TGFBI: variants seen among roughly 807,000 people sequenced by gnomAD.
The protein encoded by TGFBI is transforming growth factor beta induced.
In TGFBI, 50 loss-of-function variants were observed where a neutral mutation model predicts 73.7. The ratio of observed to expected loss-of-function variants is 0.68; its 90% CI spans 0.54 to 0.86. The LOEUF is 0.86. TGFBI is among the 40% of genes least tolerant of loss of function. TGFBI has a pLI of 0.00. For missense variants in TGFBI, 839 were observed against 877.0 expected (o/e 0.96, Z 0.55); for synonymous variants, 362 against 360.5 (o/e 1.00, Z -0.05).
intron 12 of TGFBI, 180 bp from the exon 13 acceptor site, chr5:136,058,910 T>C (rs1472778313): frequency 5.6e-6 from 4 of 712,002 alleles, no homozygotes; most frequent in Admixed American, 3.0e-5. Flanking sequence ...CTCTGACCAT[T>C]AGACAGATTG....
intron 2 of TGFBI, among the ~76,000 whole-genome samples, chr5:136,037,837 A>G (rs1232864602): frequency 2.0e-5 from 3 of 152,202 alleles, no homozygotes; most frequent in African/African-American, 7.2e-5. Flanking sequence ...CTTTTCCATC[A>G]GCTGGCAGGG....
At chr5:136,031,562 G>T (rs1399693191) in intron 1 of TGFBI, among the ~76,000 whole-genome samples, 1 of 152,246 alleles carries the variant, frequency 6.6e-6, no homozygotes, top group Non-Finnish European at 1.5e-5. Flanking sequence ...TTCAGACACA[G>T]AATGCTGTTG....
intron 2 of TGFBI, among the ~76,000 whole-genome samples, chr5:136,040,081 C>G: frequency 6.6e-6 from 1 of 152,174 alleles, no homozygotes; most frequent in East Asian, 1.9e-4. Context: ...CGGCCAAATC[C>G]GTGAAGTGCA....
At chr5:136,033,954 C>A (rs906362990) in intron 2 of TGFBI, 93 bp downstream of exon 2, 4 of 1,068,372 alleles carry the variant, frequency 3.7e-6, no homozygotes, top group Non-Finnish European at 5.7e-6. Flanking sequence ...GGTCAGGTTG[C>A]CTAAAAAGCC....
chr5:136,043,582 T>C (rs1751375975), intron 2 of TGFBI, among the ~76,000 whole-genome samples: 3 of 152,072 alleles, frequency 2.0e-5, no homozygotes, highest in Admixed American at 2.0e-4. Flanking sequence ...ACATATGTGT[T>C]TTACAGATGA....
At chr5:136,034,639 G>A (rs1302696514) in intron 2 of TGFBI, among the ~76,000 whole-genome samples, 1 of 152,000 alleles carries the variant, frequency 6.6e-6, no homozygotes, top group Non-Finnish European at 1.5e-5. Context: ...GCTTGTTGAT[G>A]TCTGTTTCAG....
intron 11 of TGFBI, chr5:136,056,328 A>G: frequency 3.7e-6 from 1 of 273,952 alleles, no homozygotes; most frequent in Non-Finnish European, 6.9e-6. Context: ...TGGAGACCAC[A>G]CCCCTCTGCC....
Position 136,046,937 on chromosome 5 carries a change from T to C in TGFBI, c.546T>C (p.Thr182=), listed in dbSNP as rs771740493. The C allele has an allele frequency of 6.2e-7, 1 of 1,613,824 alleles. No homozygotes were observed. Among genetic ancestry groups the C allele is most frequent in the South Asian group, 1.1e-5 (1 of 91,026 alleles). The change falls in exon 5 of 17, where the codon ACT becomes ACC. Residue 182 remains threonine, a synonymous_variant. Coordinates refer to ENST00000442011, the MANE Select transcript of TGFBI (RefSeq NM_000358.3). The stretch of plus-strand genomic sequence containing the variant: ...ATATGGTGGGCAGGCGAGTCCTGAC[T>C]GATGAGCTGAAACACGGCATGACCC... ...RYHMVGRRVL[T]DELKHGMTLT...
rs1323674226 is a variant in TGFBI at position 136,044,094 on chromosome 5, G to T, written c.270G>T (p.Lys90Asn). The T allele has an allele frequency of 1.9e-6, 3 of 1,612,974 alleles. No individual in the cohort carries two copies. Among genetic ancestry groups the T allele is most frequent in the South Asian group, 1.1e-5 (1 of 90,856 alleles). Reference protein sequence around the residue: ...ISYECCPGYEKVPGEKGCPAA... With the variant: ...ISYECCPGYENVPGEKGCPAA... ...ACGAGTGCTGTCCTGGATATGAAAA[G>T]GTCCCTGGGGAGAAGGGCTGTCCAG... is the stretch of plus-strand genomic sequence containing the variant. The change falls in exon 3 of 17, where the codon AAG becomes AAT. Residue 90 changes from lysine to asparagine, a missense_variant. Lys to Asn is a moderately conservative substitution (Grantham distance 94). Coordinates refer to ENST00000442011, the MANE Select transcript of TGFBI (RefSeq NM_000358.3).
Position 136,063,658 on chromosome 5 carries a change from A to G in TGFBI, c.*432A>G. On this transcript the variant is annotated 3_prime_UTR_variant, in exon 17 of 17. Transcript: ENST00000442011. ...TGGAGAAATGGCATCATTATAAGCT[A>G]TGAGTTGAAATGTTCTGTCAAATGT... 5.6e-6 allele frequency: 1 copy of G among 177,362 alleles called. No individual in the cohort carries two copies. The highest frequency in any genetic ancestry group is 1.2e-5 in the Non-Finnish European group (1 of 83,760). The allele number at this position is 177,362 out of a possible 1,614,324, so 11.0% of individuals were successfully genotyped here. A position where few individuals can be genotyped will look rare whatever the true frequency, so the allele number is the denominator to read the frequency against.
Position 136,054,021 on chromosome 5 carries a change from A to G in TGFBI, c.1205A>G (p.Asn402Ser). ...IDLFRQAGLGNHLSGSERLTL... is the reference protein window; with the variant it reads ...IDLFRQAGLGSHLSGSERLTL... ...CTTTTCAGACAAGCCGGCCTCGGCA[A>G]TCATCTCTCTGGAAGTGAGCGGTTG... is the stretch of plus-strand genomic sequence containing the variant. The change falls in exon 9 of 17, where the codon AAT (asparagine) becomes AGT (serine). Residue 402 changes from asparagine to serine, a missense_variant. Asn to Ser is a conservative substitution (Grantham distance 46). Coordinates refer to ENST00000442011, the MANE Select transcript of TGFBI (RefSeq NM_000358.3). 1.9e-6 allele frequency: 3 copies of G among 1,614,060 alleles called. No homozygotes were observed. The highest frequency in any genetic ancestry group is 2.5e-6 in the Non-Finnish European group (3 of 1,179,908).
intron 2 of TGFBI, among the ~76,000 whole-genome samples, chr5:136,037,287 G>A (rs982037024): frequency 2.6e-5 from 4 of 152,166 alleles, no homozygotes; most frequent in African/African-American, 4.8e-5. Flanking sequence ...AAATAGCACC[G>A]GAGTGATACA....
intron 2 of TGFBI, among the ~76,000 whole-genome samples, chr5:136,039,901 G>T (rs1261150848): frequency 6.6e-6 from 1 of 152,198 alleles, no homozygotes; most frequent in Non-Finnish European, 1.5e-5. Flanking sequence ...CATGGGCCAT[G>T]TCAGATGTCT....
chr5:136,049,249 T>C, intron 6 of TGFBI, 190 bp from the exon 7 acceptor site: 1 of 621,834 alleles, frequency 1.6e-6, no homozygotes. Flanking sequence ...CCAGGCTGGC[T>C]GGAGCTCAGG....
At chr5:136,062,586 A>G (rs960907319) in intron 15 of TGFBI, 77 bp from the exon 16 acceptor site, 31 of 1,487,418 alleles carry the variant, frequency 2.1e-5, no homozygotes, top group Non-Finnish European at 2.8e-5. Context: ...AGGGGTGGCA[A>G]TGGGCAAAGC....
chr5:136,063,267 G>C lies in TGFBI; in HGVS notation c.*41G>C, dbSNP rs746415976. 3 of 1,573,854 alleles carry C rather than the reference G, an allele frequency of 1.9e-6. No homozygotes were observed. Among genetic ancestry groups the C allele is most frequent in the Non-Finnish European group, 2.6e-6 (3 of 1,145,284 alleles). On this transcript the variant is annotated 3_prime_UTR_variant, in exon 17 of 17. Coordinates refer to ENST00000442011, the MANE Select transcript of TGFBI (RefSeq NM_000358.3). The stretch of plus-strand genomic sequence containing the variant: ...GAGGAATGCACCACGGCAGCTCTCC[G>C]CCAATTTCTCTCAGATTTCCACAGA...
chr5:136,054,207 A>G, intron 9 of TGFBI, 127 bp downstream of exon 9: 4 of 1,314,816 alleles, frequency 3.0e-6, no homozygotes, highest in Non-Finnish European at 4.2e-6. Context: ...AGCTCAACCA[A>G]AAGCAGATGT....
At chr5:136,037,735 T>A (rs1007092186) in intron 2 of TGFBI, among the ~76,000 whole-genome samples, 2 of 152,230 alleles carry the variant, frequency 1.3e-5, no homozygotes, top group African/African-American at 4.8e-5. Context: ...AAGTGTTCCT[T>A]TGCCCAGGGG....
intron 7 of TGFBI, among the ~76,000 whole-genome samples, chr5:136,051,840 T>C (rs1199844189): frequency 6.6e-6 from 1 of 152,242 alleles, no homozygotes; most frequent in Non-Finnish European, 1.5e-5. Context: ...CTCACCCTTT[T>C]TCTTTCCCTC....
Sources: gnomAD v4.1 joint callset for allele counts (sites outside exome capture counted in the v4.1 genomes callset) on GRCh38, gnomAD v4.1.1 for gene constraint, MANE v1.5 for transcripts, NCBI Gene and HGNC (gene_info 2026-07-23, HGNC 2026-07-21) for gene names.